The following LRBA variants were observed in gnomAD, a reference collection of about 807,000 sequenced individuals.
The protein encoded by LRBA is lipopolysaccharide-responsive and beige-like anchor protein.
A neutral mutation model predicts 330.0 loss-of-function variants in LRBA; 176 were observed. That is an observed-to-expected ratio of 0.53 (90% CI 0.47 to 0.60). The LOEUF (loss-of-function observed/expected upper bound fraction) is 0.60. Ranked by LOEUF, LRBA falls within the 20% of genes least tolerant of loss-of-function variation. The probability of loss-of-function intolerance (pLI) is 0.00; values close to 1 mark genes in which losing one functional copy is unlikely to be tolerated. For synonymous variants in LRBA, 1,230 were observed against 1,193.0 expected (o/e 1.03, Z -0.64); for missense variants, 3,259 against 3,444.8 (o/e 0.95, Z 1.35).
chr4:150,606,829 A>G (rs1774687845), intron 37 of LRBA, among the ~76,000 whole-genome samples: 1 of 152,240 alleles, frequency 6.6e-6, no homozygotes, highest in Non-Finnish European at 1.5e-5. Flanking sequence ...GATTTCATTA[A>G]GATTTCAATG....
At chr4:150,611,850 TC>T (rs980295113) in intron 37 of LRBA, among the ~76,000 whole-genome samples, 3 of 152,206 alleles carry the variant, frequency 2.0e-5, no homozygotes, top group Non-Finnish European at 4.4e-5. Context: ...CAATCTCATA[TC>T]CAAGAACCAC....
At chr4:150,781,070 A>G (rs891496948) in intron 34 of LRBA, among the ~76,000 whole-genome samples, 6 of 151,738 alleles carry the variant, frequency 4.0e-5, no homozygotes, top group Admixed American at 1.3e-4. Flanking sequence ...TAGTAGAGAC[A>G]GGGTTTCGCC....
intron 40 of LRBA, among the ~76,000 whole-genome samples, chr4:150,530,800 AAAAG>A (rs1390145106): frequency 6.6e-6 from 1 of 152,212 alleles, no homozygotes; most frequent in African/African-American, 2.4e-5. Flanking sequence ...GCAAAAAAGG[AAAAG>A]AAAGACCTTG....
At chr4:150,839,866 C>A (rs1001842844) in intron 28 of LRBA, among the ~76,000 whole-genome samples, 4 of 151,718 alleles carry the variant, frequency 2.6e-5, no homozygotes, top group Non-Finnish European at 5.9e-5. Context: ...TGCACATGTA[C>A]CCTAGAACTT....
At chr4:150,443,502 G>A (rs985031024) in intron 44 of LRBA, among the ~76,000 whole-genome samples, 4 of 152,138 alleles carry the variant, frequency 2.6e-5, no homozygotes, top group Admixed American at 2.6e-4. Flanking sequence ...ATACACCATG[G>A]AATACTATGC....
chr4:150,326,876 C>A (rs1348735042), intron 48 of LRBA, among the ~76,000 whole-genome samples: 1 of 151,972 alleles, frequency 6.6e-6, no homozygotes, highest in African/African-American at 2.4e-5. Context: ...TGAGGAAAAC[C>A]CTCAAATTAA....
chr4:150,676,430 C>A (rs1025113806), intron 37 of LRBA, among the ~76,000 whole-genome samples: 1 of 151,984 alleles, frequency 6.6e-6, no homozygotes, highest in South Asian at 2.1e-4. Context: ...TTCTACAGTG[C>A]CAAAATGTGC....
chr4:150,777,133 C>T (rs1737489405), intron 34 of LRBA, among the ~76,000 whole-genome samples: 1 of 151,710 alleles, frequency 6.6e-6, no homozygotes, highest in South Asian at 2.1e-4. Context: ...CTCACTCTCT[C>T]GCCCAGGCAA....
chr4:150,639,771 A>ATGTGTGTG (rs1440655217), intron 37 of LRBA, among the ~76,000 whole-genome samples: 1 of 8,028 alleles, frequency 1.2e-4, no homozygotes, highest in African/African-American at 2.6e-4. Context: ...ATATATATAT[A>ATGTGTGTG]TATATATATA....
chr4:150,852,323 G>T lies in LRBA; in HGVS notation c.3387C>A (p.Leu1129=). 6.2e-7 allele frequency: 1 copy of T among 1,613,932 alleles called. No homozygotes were observed. Among genetic ancestry groups the T allele is most frequent in the Non-Finnish European group, 8.5e-7 (1 of 1,180,008 alleles). The change falls in exon 23 of 57, where the codon CTC becomes CTA. Residue 1129 remains leucine (L), a synonymous_variant. Transcript: ENST00000651943. ...PTEEANLPTE[L]QDNSLSPAAS... is the part of the protein sequence containing the mutation. Reference sequence around the variant, plus strand: ...CAGCTGGAGACAAACTGTTATCTTGGAGCTCTGTGGGTAGATTAGCTTCCT... The same window carrying T: ...CAGCTGGAGACAAACTGTTATCTTGTAGCTCTGTGGGTAGATTAGCTTCCT...
At position 150,870,620 on chromosome 4, in the gene LRBA, ACAAT is replaced by A; in HGVS notation, c.2368-18_2368-15del. On this transcript the variant is annotated splice_polypyrimidine_tract_variant and intron_variant, in intron 19 of 56. Coordinates refer to ENST00000651943, the MANE Select transcript of LRBA (RefSeq NM_001364905.1). ...TTCTATAAGAATCTACAGAAGTAAA[ACAAT>A]GGATTACATTAGCAAATCACTGGAT... is the stretch of plus-strand genomic sequence containing the variant. 1 of 1,195,206 alleles carries A rather than the reference ACAAT, an allele frequency of 8.4e-7. No homozygotes were observed. Among genetic ancestry groups the A allele is most frequent in the Non-Finnish European group, 1.2e-6 (1 of 801,966 alleles). 74.0% of individuals were successfully genotyped at this position (1,195,206 alleles called of 1,614,324 possible). A position where few individuals can be genotyped will look rare whatever the true frequency, so the allele number is the denominator to read the frequency against.
Position 150,277,952 on chromosome 4 carries a change from C to A in LRBA, c.8369G>T (p.Gly2790Val). Residue 2790 changes from glycine to valine, a missense_variant, in exon 56 of 57, where the codon GGA becomes GTA. Physicochemically the swap from Gly to Val is moderately radical, Grantham distance 109. Transcript: ENST00000651943. Reference sequence around the variant, plus strand: ...CGACACCTGCCGGACCACGACCACTCCTCTGTCTCCTCCTGTGAGCAGGTA... The same window carrying A: ...CGACACCTGCCGGACCACGACCACTACTCTGTCTCCTCCTGTGAGCAGGTA... ...GQYLLTGGDR[G>V]VVVVRQVSDL... 1 of 1,614,186 alleles carries A rather than the reference C, an allele frequency of 6.2e-7. No individual in the cohort carries two copies. The highest frequency in any genetic ancestry group is 8.5e-7 in the Non-Finnish European group (1 of 1,180,032).
At chr4:150,335,836 A>T (rs1734657119) in intron 48 of LRBA, among the ~76,000 whole-genome samples, 1 of 152,072 alleles carries the variant, frequency 6.6e-6, no homozygotes, top group Non-Finnish European at 1.5e-5. Context: ...GCAGGGAGCC[A>T]CAGGTGTGTG....
intron 2 of LRBA, among the ~76,000 whole-genome samples, chr4:151,004,222 A>C (rs1479134662): frequency 2.6e-5 from 4 of 152,094 alleles, no homozygotes; most frequent in African/African-American, 9.7e-5. Flanking sequence ...TTTTTAGTAG[A>C]GAGGGGGTTT....
At chr4:150,809,915 G>A (rs566838624) in intron 31 of LRBA, among the ~76,000 whole-genome samples, 1 of 124,448 alleles carries the variant, frequency 8.0e-6, no homozygotes, top group South Asian at 2.4e-4. Flanking sequence ...GATACGATAC[G>A]ATACGATACG....
intron 40 of LRBA, among the ~76,000 whole-genome samples, chr4:150,575,270 A>G (rs1347962873): frequency 2.0e-5 from 3 of 151,966 alleles, no homozygotes; most frequent in Non-Finnish European, 4.4e-5. Context: ...CCAATGAAGC[A>G]TTTTGTTGTT....
At chr4:150,805,332 A>AGGAAG (rs1742476557) in intron 33 of LRBA, among the ~76,000 whole-genome samples, 1 of 139,802 alleles carries the variant, frequency 7.2e-6, no homozygotes, top group Admixed American at 7.2e-5. Context: ...AGGAAAGGAA[A>AGGAAG]GGAAAGGAGA....
intron 23 of LRBA, among the ~76,000 whole-genome samples, chr4:150,851,404 C>G (rs1047291208): frequency 6.6e-6 from 1 of 152,166 alleles, no homozygotes; most frequent in Non-Finnish European, 1.5e-5. Flanking sequence ...ATGGGTCACT[C>G]TGAGATATGG....
At chr4:151,009,018 TATATATATAA>T (rs1457090383) in intron 2 of LRBA, among the ~76,000 whole-genome samples, 2,914 of 28,240 alleles carry the variant, frequency 0.1, 707 homozygotes, top group Middle Eastern at 0.23. Flanking sequence ...TATATATATA[TATATATATAA>T]AATGGTATTT....
Sources: allele counts gnomAD v4.1 joint callset (sites outside exome capture counted in the v4.1 genomes callset), GRCh38; gene constraint gnomAD v4.1.1; transcripts MANE v1.5; gene names NCBI Gene and HGNC (gene_info 2026-07-23, HGNC 2026-07-21).